PRSS58: variants seen among roughly 807,000 people sequenced by gnomAD.
The protein encoded by PRSS58 is serine protease 58, also known as protease, serine 58.
Under a neutral mutation model 25.0 loss-of-function variants are expected in PRSS58, and 31 were observed. The ratio of observed to expected loss-of-function variants is 1.24; its 90% confidence interval spans 0.93 to 1.67. The LOEUF is 1.67. Ranked by LOEUF, PRSS58 falls within the 40% of genes most tolerant of loss-of-function variation. The pLI, the probability that PRSS58 is intolerant of heterozygous loss-of-function variation, is 0.00. For missense variants in PRSS58, 324 were observed against 287.9 expected, an observed-to-expected ratio of 1.13 and a Z score of -0.91; for synonymous variants, 119 against 106.1, an observed-to-expected ratio of 1.12 and a Z score of -0.75.
In PRSS58 at chr7:142,255,618, G is replaced by A. The variant is rs774552780; in HGVS notation, c.96C>T (p.Val32=). The change falls in exon 3 of 6, where the codon GTC becomes GTT. Residue 32 remains valine, a synonymous_variant. Transcript: ENST00000547058. ...YTVSSTPPYL[V]YLKSDYLPCA... is the part of the protein sequence containing the mutation. The stretch of plus-strand genomic sequence containing the variant: ...AGGGCAAGTAGTCAGATTTCAAATA[G>A]ACCAAGTAAGGGGGAGTGGAGCTGA... 1.2e-6 allele frequency: 2 copies of A among 1,614,004 alleles called. No homozygotes were observed. Among genetic ancestry groups the A allele is most frequent in the Non-Finnish European group, 1.7e-6 (2 of 1,179,914 alleles).
intron 4 of PRSS58, among the ~76,000 whole-genome samples, chr7:142,253,340 A>C (rs527876631): frequency 6.6e-6 from 1 of 152,212 alleles, no homozygotes; most frequent in Non-Finnish European, 1.5e-5. Context: ...TCACTGAAAA[A>C]GCAGTTTTCT....
intron 4 of PRSS58, among the ~76,000 whole-genome samples, chr7:142,254,697 C>T (rs1798523512): frequency 6.6e-6 from 1 of 152,004 alleles, no homozygotes; most frequent in Non-Finnish European, 1.5e-5. Context: ...TGCTTTATTG[C>T]CTGAAATGGT....
chr7:142,255,471 G>T, intron 3 of PRSS58, 64 bp downstream of exon 3: 1 of 1,604,804 alleles, frequency 6.2e-7, no homozygotes, highest in Non-Finnish European at 8.5e-7. Context: ...TCAGACAGGG[G>T]TGAGAGTCTG....
Position 142,255,544 on chromosome 7 carries a change from C to A in PRSS58, c.170G>T (p.Cys57Phe). 6.2e-7 allele frequency: 1 copy of A among 1,614,076 alleles called. No homozygotes were observed. Among genetic ancestry groups the A allele is most frequent in the Middle Eastern group, 1.7e-4 (1 of 6,054 alleles). The change falls in exon 3 of 6, where the codon TGC becomes TTC. Residue 57 changes from cysteine (C) to phenylalanine (F), a missense_variant. By Grantham distance (205) the Cys-to-Phe change is radical. Transcript: ENST00000547058. ...AAGGCTTATCACTCACGGTAAATTG[C>A]AGTGTGCAGCTGTGATCACCCAAAG... is the stretch of plus-strand genomic sequence containing the variant. The part of the protein sequence containing the change: ...HPLWVITAAH[C>F]NLPKLRVILG...
intron 4 of PRSS58, 126 bp downstream of exon 4, chr7:142,254,929 C>A: frequency 1.1e-6 from 1 of 919,166 alleles, no homozygotes; most frequent in Non-Finnish European, 1.7e-6. Context: ...CAGTGAGGTA[C>A]AGAGAAAAGG....
Position 142,255,037 on chromosome 7 carries a change from AC to A in PRSS58, c.436+17del. 7.4e-6 allele frequency: 12 copies of A among 1,612,290 alleles called. No homozygotes were observed. Among genetic ancestry groups the A allele is most frequent in the Non-Finnish European group, 1.0e-5 (12 of 1,178,796 alleles). ...AAGCATGTCTAATTCTGAGAGAAGAACATTGTCTTGAACTCACAGATATCAC... is the reference window on the plus strand; with the variant it reads ...AAGCATGTCTAATTCTGAGAGAAGAAATTGTCTTGAACTCACAGATATCAC... On this transcript the variant is annotated intron_variant, in intron 4 of 5. Transcript: ENST00000547058.
chr7:142,256,601 C>T (rs986438702), intron 2 of PRSS58, among the ~76,000 whole-genome samples: 1 of 151,998 alleles, frequency 6.6e-6, no homozygotes, highest in African/African-American at 2.4e-5. Context: ...CAGGTGTGTG[C>T]CACCATATCT....
At chr7:142,255,505 A>T (rs1340170506) in intron 3 of PRSS58, 30 bp downstream of exon 3, 2 of 1,613,834 alleles carry the variant, frequency 1.2e-6, no homozygotes, top group African/African-American at 2.7e-5. Context: ...AACCCAAAGA[A>T]TGGAGTGCCT....
chr7:142,256,115 T>C (rs1320410982), intron 2 of PRSS58, among the ~76,000 whole-genome samples: 1 of 152,148 alleles, frequency 6.6e-6, no homozygotes, highest in Non-Finnish European at 1.5e-5. Context: ...ACAGACCAAA[T>C]GCTAAGAGTC....
chr7:142,256,476 T>C (rs1798557279), intron 2 of PRSS58, among the ~76,000 whole-genome samples: 1 of 152,144 alleles, frequency 6.6e-6, no homozygotes, highest in African/African-American at 2.4e-5. Flanking sequence ...TGTTTGTTGT[T>C]TGTTTGAGAC....
rs377738281 is a variant in PRSS58, at chr7:142,253,016, G to C, written c.437-405C>G. Reference sequence around the variant, plus strand: ...AGCTTGGCCAACATGGTGAAACCCTGTCTCTACTAAAAATAGAAAAATTAG... The same window carrying C: ...AGCTTGGCCAACATGGTGAAACCCTCTCTCTACTAAAAATAGAAAAATTAG... On this transcript the variant is annotated intron_variant, in intron 4 of 5. Transcript: ENST00000547058. Among the ~76,000 whole-genome samples the C allele has an allele frequency of 5.1e-4, 78 of 152,308 alleles. 1 individual carries two copies. In the South Asian group the frequency reaches 0.016, roughly 30 times the overall value.
Position 142,257,764 on chromosome 7 carries a change from G to A in PRSS58, c.-41-16C>T. On this transcript the variant is annotated splice_polypyrimidine_tract_variant and intron_variant, in intron 1 of 5. Transcript: ENST00000547058. The stretch of plus-strand genomic sequence containing the variant: ...CTCTGGAAAACTGGGAAGAGAGAGA[G>A]AAAACAACTAAATAAAACAAAGCAA... The A allele has an allele frequency of 2.2e-6, 3 of 1,368,274 alleles. No individual in the cohort carries two copies. In the South Asian group the frequency reaches 3.6e-5, roughly 16 times the overall value. 84.8% of individuals were successfully genotyped at this position (1,368,274 alleles called of 1,614,324 possible).
chr7:142,257,243 C>G (rs1291739233), intron 2 of PRSS58, among the ~76,000 whole-genome samples: 1 of 152,106 alleles, frequency 6.6e-6, no homozygotes, highest in African/African-American at 2.4e-5. Flanking sequence ...ACAAAGCCAA[C>G]ATTTTTCTAA....
At chr7:142,253,784 A>AT (rs5888036) in intron 4 of PRSS58, among the ~76,000 whole-genome samples, 27,632 of 151,796 alleles carry the variant, frequency 0.18, 3,375 homozygotes, top group African/African-American at 0.34. Flanking sequence ...AATAAGATGC[A>AT]TTTTTTTTGA....
At chr7:142,252,657 T>A in intron 4 of PRSS58, 46 bp from the exon 5 acceptor site, 1 of 1,556,190 alleles carries the variant, frequency 6.4e-7, no homozygotes, top group Non-Finnish European at 8.6e-7. Flanking sequence ...TTTTGTTAGG[T>A]ATTAAAACTT....
Position 142,255,219 on chromosome 7 carries a change from G to C in PRSS58, c.272C>G (p.Pro91Arg). The C allele has an allele frequency of 6.2e-7, 1 of 1,613,778 alleles. No individual in the cohort carries two copies. Among genetic ancestry groups the C allele is most frequent in the Non-Finnish European group, 8.5e-7 (1 of 1,179,710 alleles). The change falls in exon 4 of 6, where the codon CCA becomes CGA. Residue 91 changes from proline to arginine, a missense_variant. Transcript: ENST00000547058. ...VIGYEKMIHH[P>R]HFSVTSIDHD... ...ATCAATAGAAGTGACTGAGAAGTGT[G>C]GATGATGAATCATCTTCTCATAGCC...
rs767932103 is a variant in PRSS58, at chr7:142,255,165, G to A, written c.326C>T (p.Thr109Ile). The A allele has an allele frequency of 1.9e-6, 3 of 1,614,098 alleles. No homozygotes were observed. Among genetic ancestry groups the A allele is most frequent in the Non-Finnish European group, 2.5e-6 (3 of 1,180,006 alleles). Residue 109 changes from threonine (T) to isoleucine (I), a missense_variant, in exon 4 of 6, where the codon ACA becomes ATA. Thr to Ile is a moderately conservative substitution (Grantham distance 89). Coordinates refer to ENST00000547058, the MANE Select transcript of PRSS58 (RefSeq NM_001001317.5). ...CACATAGTCATTGAGTTCAGCCTCT[G>A]TTTTCAGCTTGATTAGCATGATGTC... Reference protein sequence around the residue: ...DHDIMLIKLKTEAELNDYVKL... With the variant: ...DHDIMLIKLKIEAELNDYVKL...
rs757720116 is a variant in PRSS58, at chr7:142,255,112, T to G, written c.379A>C (p.Ile127Leu). The G allele has an allele frequency of 8.7e-6, 14 of 1,613,926 alleles. No homozygotes were observed. The highest frequency in any genetic ancestry group is 1.1e-5 in the South Asian group (1 of 91,082). ...VKLANLPYQT[I>L]SENTMCSVST... ...ACAGAGCACATGGTATTTTCAGAGATAGTTTGGTAGGGCAGGTTGGCTAAT... is the reference window on the plus strand; with the variant it reads ...ACAGAGCACATGGTATTTTCAGAGAGAGTTTGGTAGGGCAGGTTGGCTAAT... The change falls in exon 4 of 6, where the codon ATC becomes CTC. Residue 127 changes from isoleucine to leucine, a missense_variant. Transcript: ENST00000547058.
At chr7:142,252,639 C>G in intron 4 of PRSS58, 28 bp from the exon 5 acceptor site, 1 of 1,589,740 alleles carries the variant, frequency 6.3e-7, no homozygotes, top group Non-Finnish European at 8.5e-7. Flanking sequence ...GTCAAACTTC[C>G]TTAAGAGTTT....
Sources: gnomAD v4.1 joint callset for allele counts (sites outside exome capture counted in the v4.1 genomes callset) on GRCh38, gnomAD v4.1.1 for gene constraint, MANE v1.5 for transcripts, NCBI Gene and HGNC (gene_info 2026-07-23, HGNC 2026-07-21) for gene names.